The following GALNT13 variants were observed in gnomAD, a reference collection of about 807,000 sequenced individuals.
The protein encoded by GALNT13 is UDP-GalNAc:polypeptide N-acetylgalactosaminyltransferase 13.
GALNT13 carries 28 observed loss-of-function variants against 64.2 expected under a neutral mutation model. The observed-to-expected ratio is 0.44, with a 90% CI of 0.32 to 0.60. GALNT13 has a LOEUF of 0.60. Ranked by LOEUF, GALNT13 falls within the 20% of genes least tolerant of loss-of-function variation. The pLI, the probability that GALNT13 is intolerant of heterozygous loss-of-function variation, is 0.05. For synonymous variants in GALNT13, 214 were observed against 224.6 expected, an observed-to-expected ratio of 0.95 and a Z score of 0.42; for missense variants, 577 against 669.8, an observed-to-expected ratio of 0.86 and a Z score of 1.53.
the GALNT13 span, among the ~76,000 whole-genome samples, chr2:153,229,687 A>G: frequency 6.6e-6 from 1 of 152,186 alleles, no homozygotes; most frequent in Non-Finnish European, 1.5e-5. Flanking sequence ...AAAAGCATGC[A>G]TTTGGTGAGG....
chr2:153,779,640 C>T, the GALNT13 span, among the ~76,000 whole-genome samples: 1 of 151,966 alleles, frequency 6.6e-6, no homozygotes, highest in African/African-American at 2.4e-5. Context: ...TGCTATGTTC[C>T]ACTTTTATAT....
At chr2:154,123,804 G>A (rs974077484) in intron 3 of GALNT13, among the ~76,000 whole-genome samples, 11 of 151,904 alleles carry the variant, frequency 7.2e-5, no homozygotes, top group East Asian at 1.9e-4. Flanking sequence ...GTACAAATGC[G>A]AGAAGAAAAA....
chr2:153,556,280 TTTAAA>T, the GALNT13 span, among the ~76,000 whole-genome samples: 9 of 152,328 alleles, frequency 5.9e-5, no homozygotes, highest in African/African-American at 1.9e-4. Context: ...TAAGATGCAG[TTTAAA>T]TTAAGAGAAA....
chr2:153,460,941 C>T, the GALNT13 span, among the ~76,000 whole-genome samples: 1 of 152,086 alleles, frequency 6.6e-6, no homozygotes, highest in Non-Finnish European at 1.5e-5. Flanking sequence ...AGATTTCCAT[C>T]TATAAATTTA....
the GALNT13 span, among the ~76,000 whole-genome samples, chr2:153,745,245 G>A: frequency 6.6e-6 from 1 of 152,160 alleles, no homozygotes; most frequent in South Asian, 2.1e-4. Flanking sequence ...AGAAGCGAGA[G>A]CTGGTTATAA....
the GALNT13 span, among the ~76,000 whole-genome samples, chr2:153,393,700 A>G: frequency 6.6e-6 from 1 of 151,964 alleles, no homozygotes; most frequent in African/African-American, 2.4e-5. Context: ...TTTGAGTAAG[A>G]TAGGCAACCC....
At chr2:153,697,361 C>T in the GALNT13 span, among the ~76,000 whole-genome samples, 1 of 152,204 alleles carries the variant, frequency 6.6e-6, no homozygotes, top group Non-Finnish European at 1.5e-5. Flanking sequence ...ATATTTACCA[C>T]AGCCAGATAA....
the GALNT13 span, among the ~76,000 whole-genome samples, chr2:153,264,343 T>C: frequency 6.6e-6 from 1 of 152,192 alleles, no homozygotes; most frequent in Non-Finnish European, 1.5e-5. Flanking sequence ...TTGGTGGGAA[T>C]GTAAATTAGT....
At chr2:153,812,128 A>G in the GALNT13 span, among the ~76,000 whole-genome samples, 1 of 152,162 alleles carries the variant, frequency 6.6e-6, no homozygotes, top group African/African-American at 2.4e-5. Context: ...TGTCATCAAC[A>G]ATTAGTTTTG....
At chr2:153,069,490 C>T in the GALNT13 span, among the ~76,000 whole-genome samples, 3 of 152,118 alleles carry the variant, frequency 2.0e-5, no homozygotes, top group Admixed American at 1.3e-4. Context: ...CCATGTATCA[C>T]CTTTATCTCC....
chr2:153,808,899 C>G, the GALNT13 span, among the ~76,000 whole-genome samples: 2 of 152,224 alleles, frequency 1.3e-5, no homozygotes, highest in Non-Finnish European at 2.9e-5. Flanking sequence ...CCTGCTTAAA[C>G]TCATAATTCT....
At chr2:153,723,142 G>A in the GALNT13 span, among the ~76,000 whole-genome samples, 13 of 137,880 alleles carry the variant, frequency 9.4e-5, no homozygotes, top group Non-Finnish European at 2.0e-4. Flanking sequence ...TGCAAGGCTG[G>A]TTCAATATAC....
the GALNT13 span, among the ~76,000 whole-genome samples, chr2:153,583,270 G>A: frequency 6.6e-6 from 1 of 152,166 alleles, no homozygotes; most frequent in Non-Finnish European, 1.5e-5. Flanking sequence ...TTCAACATGT[G>A]TGCTAAGAAA....
At chr2:153,753,377 C>A in the GALNT13 span, among the ~76,000 whole-genome samples, 5 of 152,098 alleles carry the variant, frequency 3.3e-5, no homozygotes, top group Non-Finnish European at 5.9e-5. Context: ...TTGTTTGTAT[C>A]TGTCCATCTT....
chr2:154,250,333 C>T (rs1054931366), intron 7 of GALNT13, among the ~76,000 whole-genome samples: 10 of 152,152 alleles, frequency 6.6e-5, no homozygotes, highest in African/African-American at 2.4e-4. Flanking sequence ...AATTTCTCTA[C>T]AATGTAAATT....
the GALNT13 span, among the ~76,000 whole-genome samples, chr2:153,310,744 C>T: frequency 6.6e-6 from 1 of 152,062 alleles, no homozygotes; most frequent in Non-Finnish European, 1.5e-5. Context: ...TTCTGGGAGT[C>T]AAAAGTTACA....
chr2:154,119,140 T>G (rs1267511276), intron 3 of GALNT13, among the ~76,000 whole-genome samples: 1 of 152,160 alleles, frequency 6.6e-6, no homozygotes, highest in Non-Finnish European at 1.5e-5. Context: ...CTCCCTTAGC[T>G]TTTGTTTGTC....
the GALNT13 span, among the ~76,000 whole-genome samples, chr2:153,851,522 T>A: frequency 6.7e-6 from 1 of 149,732 alleles, no homozygotes; most frequent in Admixed American, 6.7e-5. Flanking sequence ...GGCAACATAG[T>A]GAGACCTTGT....
intron 3 of GALNT13, among the ~76,000 whole-genome samples, chr2:154,117,503 A>G (rs1188618829): frequency 7.1e-6 from 1 of 141,436 alleles, no homozygotes; most frequent in Non-Finnish European, 1.5e-5. Context: ...CCAACATATG[A>G]GTGAGAACAT....
Sources: gnomAD v4.1 joint callset for allele counts (sites outside exome capture counted in the v4.1 genomes callset) on GRCh38, gnomAD v4.1.1 for gene constraint, MANE v1.5 for transcripts, NCBI Gene and HGNC (gene_info 2026-07-23, HGNC 2026-07-21) for gene names.